The following CACNA2D3 variants were observed in gnomAD, a reference collection of about 807,000 sequenced individuals.
CACNA2D3 encodes the protein voltage-dependent calcium channel subunit alpha-2/delta-3.
Under a neutral mutation model 160.6 loss-of-function variants are expected in CACNA2D3, and 60 were observed. That is an observed-to-expected ratio of 0.37 (90% CI 0.30 to 0.46). CACNA2D3 has a LOEUF of 0.46. CACNA2D3 is among the 20% of genes least tolerant of loss of function. CACNA2D3 has a pLI of 1.00. For synonymous variants in CACNA2D3, 558 were observed against 492.9 expected (o/e 1.13, Z -1.75); for missense variants, 1,205 against 1,365.0 (o/e 0.88, Z 1.85).
intron 31 of CACNA2D3, among the ~76,000 whole-genome samples, chr3:55,003,486 A>T (rs1007287827): frequency 6.6e-6 from 1 of 152,210 alleles, no homozygotes; most frequent in African/African-American, 2.4e-5. Flanking sequence ...AAAAAGGCAC[A>T]CAAAATTTAT....
At chr3:54,478,275 C>A (rs989372664) in intron 4 of CACNA2D3, among the ~76,000 whole-genome samples, 1 of 152,030 alleles carries the variant, frequency 6.6e-6, no homozygotes, top group Admixed American at 6.6e-5. Flanking sequence ...TCTGCAGTTT[C>A]AGTTATCTGA....
chr3:54,695,069 G>A (rs1431689159), intron 11 of CACNA2D3, among the ~76,000 whole-genome samples: 1 of 152,116 alleles, frequency 6.6e-6, no homozygotes, highest in Non-Finnish European at 1.5e-5. Context: ...CCAGGCTGGA[G>A]TGCAATGGCA....
intron 4 of CACNA2D3, among the ~76,000 whole-genome samples, chr3:54,473,478 G>T (rs1055518353): frequency 6.6e-6 from 1 of 152,194 alleles, no homozygotes; most frequent in Non-Finnish European, 1.5e-5. Context: ...CATGGGCAAA[G>T]ACGTCATGAC....
chr3:54,714,794 A>T (rs1701021348), intron 11 of CACNA2D3, among the ~76,000 whole-genome samples: 1 of 152,210 alleles, frequency 6.6e-6, no homozygotes, highest in Non-Finnish European at 1.5e-5. Context: ...TCGATGCCTA[A>T]TTCACAATAG....
At chr3:54,366,512 T>G (rs1328163345) in intron 3 of CACNA2D3, among the ~76,000 whole-genome samples, 1 of 152,256 alleles carries the variant, frequency 6.6e-6, no homozygotes, top group Non-Finnish European at 1.5e-5. Context: ...AGAAAATGTT[T>G]AAACCCATTA....
At chr3:54,330,210 ATGTGTGTGTGTGTGTGTGTGTGTG>A (rs10591706) in intron 3 of CACNA2D3, among the ~76,000 whole-genome samples, 2 of 146,596 alleles carry the variant, frequency 1.4e-5, no homozygotes, top group Non-Finnish European at 3.0e-5. Flanking sequence ...TTTAATTGAT[ATGTGTGTGTGTGTGTGTGTGTGTG>A]TGTGTGTGTG....
intron 27 of CACNA2D3, among the ~76,000 whole-genome samples, chr3:54,906,942 C>T (rs1700461033): frequency 6.6e-6 from 1 of 152,122 alleles, no homozygotes; most frequent in South Asian, 2.1e-4. Context: ...ACACAGTAGC[C>T]AGTGACAAGG....
At chr3:54,661,226 G>A (rs1327315470) in intron 11 of CACNA2D3, among the ~76,000 whole-genome samples, 1 of 152,148 alleles carries the variant, frequency 6.6e-6, no homozygotes, top group African/African-American at 2.4e-5. Flanking sequence ...AGCCTTCTAG[G>A]TCAAAGCCTG....
intron 24 of CACNA2D3, among the ~76,000 whole-genome samples, chr3:54,890,989 A>G (rs2106866909): frequency 6.6e-6 from 1 of 152,330 alleles, no homozygotes; most frequent in Middle Eastern, 3.4e-3. Context: ...CCTAAGCCCT[A>G]ACTGGCTAGT....
At chr3:54,622,095 C>T (rs938908803) in intron 9 of CACNA2D3, among the ~76,000 whole-genome samples, 2 of 152,132 alleles carry the variant, frequency 1.3e-5, no homozygotes, top group African/African-American at 4.8e-5. Flanking sequence ...GAAGTCCTGC[C>T]TGCTGTTCTG....
At chr3:54,999,256 T>G (rs1167230586) in intron 31 of CACNA2D3, among the ~76,000 whole-genome samples, 1 of 152,170 alleles carries the variant, frequency 6.6e-6, no homozygotes, top group Non-Finnish European at 1.5e-5. Flanking sequence ...TTAGCACTCC[T>G]ATCAACAGGT....
intron 2 of CACNA2D3, among the ~76,000 whole-genome samples, chr3:54,292,356 G>A (rs1047148563): frequency 6.6e-6 from 1 of 152,058 alleles, no homozygotes; most frequent in African/African-American, 2.4e-5. Context: ...TAATTTTTTT[G>A]TGCTTTCAAG....
intron 2 of CACNA2D3, among the ~76,000 whole-genome samples, chr3:54,210,105 C>T (rs1035038881): frequency 2.6e-5 from 4 of 152,058 alleles, no homozygotes; most frequent in African/African-American, 9.7e-5. Context: ...AATAAGAAAA[C>T]ACAACGTTTG....
chr3:54,389,152 G>C (rs1013773161), intron 4 of CACNA2D3, among the ~76,000 whole-genome samples: 1 of 151,958 alleles, frequency 6.6e-6, no homozygotes, highest in Admixed American at 6.6e-5. Context: ...AAAATTAGCC[G>C]GGCATGGTGG....
chr3:54,228,473 T>C (rs1421355643), intron 2 of CACNA2D3, among the ~76,000 whole-genome samples: 1 of 152,220 alleles, frequency 6.6e-6, no homozygotes, highest in Non-Finnish European at 1.5e-5. Context: ...ATTAAACAAG[T>C]ATTTATTGAC....
chr3:55,073,945 G>T, intron 37 of CACNA2D3, 86 bp downstream of exon 37: 6 of 1,215,270 alleles, frequency 4.9e-6, no homozygotes, highest in Non-Finnish European at 3.6e-6. Flanking sequence ...CAGCTGAAAA[G>T]TTCACTCATG....
chr3:55,063,397 A>AAT (rs1704561105), intron 35 of CACNA2D3, among the ~76,000 whole-genome samples: 1 of 152,098 alleles, frequency 6.6e-6, no homozygotes. Flanking sequence ...AAAGAAAAAA[A>AAT]AAAAAAGATG....
chr3:54,562,770 C>T (rs574570951), intron 5 of CACNA2D3, 30 bp from the exon 6 acceptor site: 137 of 1,594,724 alleles, frequency 8.6e-5, no homozygotes, highest in Admixed American at 3.4e-5. Context: ...GTTTCTAATA[C>T]ACCCCTCTCT....
rs1267506627 is a variant in CACNA2D3 at position 54,337,329 on chromosome 3, A to C, written c.321+16771A>C. Among the ~76,000 whole-genome samples, 6 of 152,322 alleles carry C rather than the reference A, an allele frequency of 3.9e-5. No homozygotes were observed. In the East Asian group the frequency reaches 9.6e-4, roughly 24 times the overall value. ...GGTGGTATTATTACCTCCTTTTGAC[A>C]GATGAGGAAACTGAGCAGGTCCAGC... On this transcript the variant is annotated intron_variant, in intron 3 of 37. Transcript: ENST00000474759.
Sources: gnomAD v4.1 joint callset for allele counts (sites outside exome capture counted in the v4.1 genomes callset) on GRCh38, gnomAD v4.1.1 for gene constraint, MANE v1.5 for transcripts, NCBI Gene and HGNC (gene_info 2026-07-23, HGNC 2026-07-21) for gene names.